Variants in SPART observed in about 807,000 individuals in gnomAD.
SPART encodes the protein spartin, also known as spastic paraplegia 20 (Troyer syndrome).
Under a neutral mutation model 58.7 loss-of-function variants are expected in SPART, and 35 were observed. The ratio of observed to expected loss-of-function variants is 0.60; its 90% confidence interval spans 0.46 to 0.79. The LOEUF is 0.79. Among genes scored for constraint, SPART ranks in the 30% least tolerant of loss-of-function variants. The pLI is 0.00. For synonymous variants in SPART, 284 were observed against 280.7 expected, an observed-to-expected ratio of 1.01 and a Z score of -0.12; for missense variants, 730 against 786.1, an observed-to-expected ratio of 0.93 and a Z score of 0.85.
chr13:36,329,846 A>T (rs1307762432), intron 3 of SPART, among the ~76,000 whole-genome samples: 2 of 152,222 alleles, frequency 1.3e-5, no homozygotes, highest in African/African-American at 4.8e-5. Flanking sequence ...AATTTTAGTT[A>T]ACATGTACAA....
At chr13:36,313,375 C>T (rs756528555) in intron 6 of SPART, among the ~76,000 whole-genome samples, 6 of 152,234 alleles carry the variant, frequency 3.9e-5, no homozygotes, top group South Asian at 4.1e-4. Context: ...ACACCACAGC[C>T]GCCATAACAT....
chr13:36,337,394 C>A (rs1884117637), intron 1 of SPART, among the ~76,000 whole-genome samples: 2 of 152,126 alleles, frequency 1.3e-5, no homozygotes, highest in Admixed American at 6.5e-5. Context: ...TACCCATAAT[C>A]CCCAGGTGTC....
chr13:36,369,005 A>T (rs1886174024), intron 1 of SPART, among the ~76,000 whole-genome samples: 1 of 152,246 alleles, frequency 6.6e-6, no homozygotes, highest in African/African-American at 2.4e-5. Flanking sequence ...CTCAAAAAAT[A>T]AAAAATAAAA....
At chr13:36,308,032 T>C (rs1880690779) in intron 8 of SPART, among the ~76,000 whole-genome samples, 9 of 152,108 alleles carry the variant, frequency 5.9e-5, no homozygotes, top group Admixed American at 5.9e-4. Context: ...CTACCATCAG[T>C]TCGATTTGAG....
chr13:36,318,555 A>T (rs958923779), intron 5 of SPART, among the ~76,000 whole-genome samples: 3 of 152,228 alleles, frequency 2.0e-5, no homozygotes, highest in Non-Finnish European at 4.4e-5. Flanking sequence ...GGATTTAATT[A>T]ACCTCGCCTT....
intron 1 of SPART, among the ~76,000 whole-genome samples, chr13:36,364,222 C>T (rs148956341): frequency 6.6e-6 from 1 of 152,298 alleles, no homozygotes; most frequent in East Asian, 1.9e-4. Context: ...ATAACGTTAA[C>T]CTCTCTTGAG....
chr13:36,352,950 A>G (rs1490845373), intron 1 of SPART, among the ~76,000 whole-genome samples: 5 of 152,166 alleles, frequency 3.3e-5, no homozygotes, highest in African/African-American at 1.2e-4. Flanking sequence ...ACAGAACCAG[A>G]ACCTGTCTCA....
chr13:36,328,356 T>C (rs1251268141), intron 4 of SPART, among the ~76,000 whole-genome samples: 9 of 152,338 alleles, frequency 5.9e-5, no homozygotes, highest in Middle Eastern at 3.4e-3. Flanking sequence ...TGCTGTTTTA[T>C]TCATATACTT....
intron 5 of SPART, among the ~76,000 whole-genome samples, chr13:36,325,511 T>C (rs1011309898): frequency 6.6e-6 from 1 of 152,152 alleles, no homozygotes; most frequent in Non-Finnish European, 1.5e-5. Context: ...GAAATCTGAA[T>C]TGACAGTCGT....
chr13:36,334,507 T>C (rs1281061047), intron 2 of SPART, among the ~76,000 whole-genome samples: 2 of 152,140 alleles, frequency 1.3e-5, no homozygotes, highest in African/African-American at 4.8e-5. Flanking sequence ...CTATCCACTA[T>C]GCCAGTAGCA....
rs867461792 is a variant in SPART at position 36,303,495 on chromosome 13, G to A, written c.*870C>T. On this transcript the variant is annotated 3_prime_UTR_variant, in exon 9 of 9. Transcript: ENST00000438666. ...TCTTTTAATATAAATTCCAATGACC[G>A]AATCCCAGAATAAAAATGTTTACCA... The A allele has an allele frequency of 7.2e-5, 11 of 151,964 alleles. No homozygotes were observed. In the South Asian group the frequency reaches 8.3e-4, roughly 11 times the overall value. 9.4% of individuals were successfully genotyped at this position (151,964 alleles called of 1,614,324 possible).
intron 1 of SPART, chr13:36,365,517 G>T: frequency 5.4e-6 from 2 of 370,484 alleles, no homozygotes; most frequent in Non-Finnish European, 1.1e-5. Flanking sequence ...GGAAAGCCAA[G>T]TCTCTCTTCC....
At chr13:36,352,111 TAA>T (rs1593289488) in intron 1 of SPART, among the ~76,000 whole-genome samples, 1 of 152,226 alleles carries the variant, frequency 6.6e-6, no homozygotes, top group African/African-American at 2.4e-5. Flanking sequence ...AATAATGTTC[TAA>T]AAGTTGTACA....
intron 1 of SPART, among the ~76,000 whole-genome samples, chr13:36,338,039 G>C (rs1017589955): frequency 1.3e-5 from 2 of 152,146 alleles, no homozygotes; most frequent in South Asian, 2.1e-4. Context: ...CAAGTGTTTA[G>C]TTAAGATGGA....
chr13:36,313,118 G>A (rs1342391778), intron 6 of SPART, among the ~76,000 whole-genome samples: 1 of 152,110 alleles, frequency 6.6e-6, no homozygotes, highest in African/African-American at 2.4e-5. Context: ...CAAGGATTTA[G>A]AAGTACATTG....
In SPART at chr13:36,311,201, A is replaced by G. The variant is rs185444790; in HGVS notation, c.1733+944T>C. ...TAAAGAAGTATCCTGTGAAACGCACACTGAAAACATTCACGAGATTTTTTC... is the reference window on the plus strand; with the variant it reads ...TAAAGAAGTATCCTGTGAAACGCACGCTGAAAACATTCACGAGATTTTTTC... On this transcript the variant is annotated intron_variant, in intron 8 of 8. Coordinates refer to ENST00000438666, the MANE Select transcript of SPART (RefSeq NM_015087.5). Among the ~76,000 whole-genome samples, 21 of 152,326 alleles carry G rather than the reference A, an allele frequency of 1.4e-4. No individual in the cohort carries two copies. In the East Asian group the frequency reaches 2.7e-3, roughly 20 times the overall value.
rs1297764305 is a variant in SPART, at chr13:36,302,536, G to A, written c.*1829C>T. 1 of 152,100 alleles carries A rather than the reference G, an allele frequency of 6.6e-6. No homozygotes were observed. Among genetic ancestry groups the A allele is most frequent in the African/African-American group, 2.4e-5 (1 of 41,408 alleles). The allele number at this position is 152,100 out of a possible 1,614,324, so 9.4% of individuals were successfully genotyped here. On this transcript the variant is annotated 3_prime_UTR_variant, in exon 9 of 9. Coordinates refer to ENST00000438666, the MANE Select transcript of SPART (RefSeq NM_015087.5). The stretch of plus-strand genomic sequence containing the variant: ...TGGACATCTGGATTTAGCCCATGGA[G>A]GATATTTGCTGACCTCTGGTCAAAG...
At chr13:36,337,827 C>A (rs909447057) in intron 1 of SPART, among the ~76,000 whole-genome samples, 17 of 152,272 alleles carry the variant, frequency 1.1e-4, no homozygotes, top group African/African-American at 3.9e-4. Context: ...TTTTGATACA[C>A]TGAAAAGCTG....
intron 8 of SPART, among the ~76,000 whole-genome samples, chr13:36,309,786 T>C (rs1022906833): frequency 2.0e-5 from 3 of 152,196 alleles, no homozygotes; most frequent in Admixed American, 1.3e-4. Context: ...CTATGCTTAC[T>C]ACCTGAGTGA....
Sources: allele counts gnomAD v4.1 joint callset (sites outside exome capture counted in the v4.1 genomes callset), GRCh38; gene constraint gnomAD v4.1.1; transcripts MANE v1.5; gene names NCBI Gene and HGNC (gene_info 2026-07-23, HGNC 2026-07-21).